Variants in ZFR2 observed in about 807,000 individuals in gnomAD.
The protein encoded by ZFR2 is zinc finger RNA-binding protein 2.
A neutral mutation model predicts 105.7 loss-of-function variants in ZFR2; 104 were observed. The ratio of observed to expected loss-of-function variants is 0.98; its 90% CI spans 0.84 to 1.16. The LOEUF is 1.16. ZFR2 is among the 50% of genes most tolerant of loss of function. The pLI is 0.00. For missense variants in ZFR2, 1,425 were observed against 1,355.5 expected, an observed-to-expected ratio of 1.05 and a Z score of -0.80; for synonymous variants, 634 against 597.7, an observed-to-expected ratio of 1.06 and a Z score of -0.89.
At chr19:3,855,529 C>A in intron 1 of ZFR2, 6 of 1,092,592 alleles carry the variant, frequency 5.5e-6, no homozygotes, top group Non-Finnish European at 7.0e-6. Flanking sequence ...CGGGGAATAA[C>A]CAGACCAAAG....
chr19:3,858,741 C>T lies in ZFR2; in HGVS notation c.53+10224G>A, dbSNP rs2005074. Among the ~76,000 whole-genome samples the T allele has an allele frequency of 0.16, 24,941 of 152,204 alleles. 2,294 individuals are homozygous for T. The highest frequency in any genetic ancestry group is 0.28 in the East Asian group (1,461 of 5,178). On this transcript the variant is annotated intron_variant, in intron 1 of 18. Transcript: ENST00000262961. The surrounding 1 kb of genome is among the most constrained non-coding windows in gnomAD (Gnocchi z 4.3). ...GCTGAGGCAGGAGAATCACTTGAAC[C>T]TGGGAGGCAGAGGTTGCAGTGAGCT...
Position 3,819,041 on chromosome 19 carries a change from T to C in ZFR2, c.1931+4A>G. ...GGGCCCTGGGGAAGGGGATCTCCAA[T>C]GACCTGCGCTTGTCACCCTCTTCCT... On this transcript the variant is annotated splice_donor_region_variant and intron_variant, in intron 12 of 18. Coordinates refer to ENST00000262961, the MANE Select transcript of ZFR2 (RefSeq NM_015174.2). 1 of 1,611,684 alleles carries C rather than the reference T, an allele frequency of 6.2e-7. No homozygotes were observed. The highest frequency in any genetic ancestry group is 1.3e-5 in the African/African-American group (1 of 74,958).
Position 3,819,191 on chromosome 19 carries a change from G to T in ZFR2, c.1785C>A (p.Cys595Ter). The T allele has an allele frequency of 6.3e-7, 1 of 1,587,488 alleles. No individual in the cohort carries two copies. The highest frequency in any genetic ancestry group is 1.1e-5 in the South Asian group (1 of 89,932). The change falls in exon 12 of 19, where the codon TGC becomes TGA. Residue 595 changes from cysteine to a stop codon, truncating the protein, a stop_gained. Coordinates refer to ENST00000262961, the MANE Select transcript of ZFR2 (RefSeq NM_015174.2). LOFTEE classifies it high-confidence loss of function. ...PASSDDRHVM[C>*]KHATIYPTEQ... The stretch of plus-strand genomic sequence containing the variant: ...CCGTGGGGTAGATGGTGGCGTGCTT[G>T]CACATGACGTGCCGGTCGTCGCTGG...
chr19:3,842,929 T>G (rs566158834), intron 1 of ZFR2, among the ~76,000 whole-genome samples: 4 of 152,230 alleles, frequency 2.6e-5, no homozygotes, highest in Admixed American at 2.6e-4. Context: ...CTGGCCCATT[T>G]CAGAACATTT....
chr19:3,863,838 GC>G (rs1420737675), intron 1 of ZFR2, among the ~76,000 whole-genome samples: 1 of 152,102 alleles, frequency 6.6e-6, no homozygotes, highest in Non-Finnish European at 1.5e-5. Flanking sequence ...CGACCACTGG[GC>G]CCCCACGTCA....
Position 3,805,343 on chromosome 19 carries a change from C to G in ZFR2, c.*606G>C, listed in dbSNP as rs1020771248. ...GGGCTGGATGGTGTCATTTCTGTAA[C>G]AATTTAAGCACAAATGTTAAAAAAC... On this transcript the variant is annotated 3_prime_UTR_variant, in exon 19 of 19. Transcript: ENST00000262961. The G allele has an allele frequency of 2.6e-5, 4 of 152,128 alleles. No individual in the cohort carries two copies. Among genetic ancestry groups the G allele is most frequent in the Non-Finnish European group, 5.9e-5 (4 of 68,072 alleles). The allele number at this position is 152,128 out of a possible 1,614,324, so 9.4% of individuals were successfully genotyped here.
chr19:3,862,456 C>A (rs2038384437), intron 1 of ZFR2, among the ~76,000 whole-genome samples: 1 of 152,126 alleles, frequency 6.6e-6, no homozygotes, highest in South Asian at 2.1e-4. Flanking sequence ...TGCCACCACA[C>A]CCAGGTAATT....
intron 15 of ZFR2, 27 bp downstream of exon 15, chr19:3,811,245 C>A (rs1384561283): frequency 2.0e-6 from 3 of 1,535,776 alleles, no homozygotes; most frequent in East Asian, 4.9e-5. Context: ...CACCCCTCTC[C>A]CCCTGCTCCA....
chr19:3,817,095 C>A (rs1200898480), intron 12 of ZFR2, among the ~76,000 whole-genome samples: 1 of 152,204 alleles, frequency 6.6e-6, no homozygotes, highest in Non-Finnish European at 1.5e-5. Flanking sequence ...TGGCCAAACC[C>A]ACATTTTCCT....
At position 3,831,552 on chromosome 19, in the gene ZFR2, T is replaced by C; in HGVS notation, c.603A>G (p.Pro201=). Residue 201 remains proline (P), a synonymous_variant, in exon 5 of 19, where the codon CCA becomes CCG. Coordinates refer to ENST00000262961, the MANE Select transcript of ZFR2 (RefSeq NM_015174.2). ...YNPTCTAYTA[P]SYPNYDASVY... ...CCGACGCGTCATAGTTCGGGTAGCT[T>C]GGTGCTGAGCAGCAGAGAAAACAAT... is the stretch of plus-strand genomic sequence containing the variant. 6.4e-7 allele frequency: 1 copy of C among 1,564,174 alleles called. No individual in the cohort carries two copies. Among genetic ancestry groups the C allele is most frequent in the Non-Finnish European group, 8.7e-7 (1 of 1,154,758 alleles).
chr19:3,821,985 C>T, intron 9 of ZFR2, 96 bp downstream of exon 9: 1 of 1,471,616 alleles, frequency 6.8e-7, no homozygotes, highest in Non-Finnish European at 9.0e-7. Flanking sequence ...TTCGTCGGAT[C>T]ACACGCGCGG....
At chr19:3,837,400 T>C (rs1270410948) in intron 1 of ZFR2, among the ~76,000 whole-genome samples, 2 of 151,644 alleles carry the variant, frequency 1.3e-5, no homozygotes. Context: ...TGACACTCGA[T>C]GAACACCGTG....
chr19:3,821,882 G>A (rs1187848302), intron 9 of ZFR2, among the ~76,000 whole-genome samples, 199 bp downstream of exon 9: 1 of 152,076 alleles, frequency 6.6e-6, no homozygotes, highest in Admixed American at 6.5e-5. Flanking sequence ...GTGCTGGGAT[G>A]ATAGACGTGA....
intron 3 of ZFR2, among the ~76,000 whole-genome samples, chr19:3,832,223 C>T (rs1215256963): frequency 1.3e-5 from 2 of 152,132 alleles, no homozygotes; most frequent in East Asian, 3.9e-4. Context: ...CCTCACTTTC[C>T]TTCATTCATA....
chr19:3,855,871 G>A (rs113055449), intron 1 of ZFR2, among the ~76,000 whole-genome samples: 1 of 152,194 alleles, frequency 6.6e-6, no homozygotes, highest in African/African-American at 2.4e-5. Flanking sequence ...AGAGAATAAA[G>A]GGTGTGGAAC....
In ZFR2 at chr19:3,833,563, G is replaced by A. The variant is rs183349821; in HGVS notation, c.379+101C>T. On this transcript the variant is annotated intron_variant, in intron 3 of 18. Transcript: ENST00000262961. The stretch of plus-strand genomic sequence containing the variant: ...TGCACTCCAGCCTGGGCAACAGAGC[G>A]AGACTCTGTCTAAAAAAAAAAAAAA... The A allele has an allele frequency of 4.5e-3, 4,218 of 936,028 alleles. 41 individuals carry two copies. Among genetic ancestry groups the A allele is most frequent in the East Asian group, 0.032 (1,150 of 36,306 alleles). 58.0% of individuals were successfully genotyped at this position (936,028 alleles called of 1,614,324 possible).
rs768876279 is a variant in ZFR2 at position 3,827,514 on chromosome 19, G to A, written c.992C>T (p.Ala331Val). 3.9e-5 allele frequency: 60 copies of A among 1,556,970 alleles called. No homozygotes were observed. The highest frequency in any genetic ancestry group is 5.8e-5 in the Admixed American group (3 of 52,034). Residue 331 changes from alanine (A) to valine (V), a missense_variant, in exon 6 of 19, where the codon GCG (alanine) becomes GTG (valine). Coordinates refer to ENST00000262961, the MANE Select transcript of ZFR2 (RefSeq NM_015174.2). Reference sequence around the variant, plus strand: ...CCGGATGTGGGCCGCGTAGGCGTCCGCCCCGGTGCAGGACACGGCGCACAG... The same window carrying A: ...CCGGATGTGGGCCGCGTAGGCGTCCACCCCGGTGCAGGACACGGCGCACAG... ...CDLCAVSCTG[A>V]DAYAAHIRGS...
At chr19:3,861,850 C>T (rs961152167) in intron 1 of ZFR2, among the ~76,000 whole-genome samples, 2 of 152,102 alleles carry the variant, frequency 1.3e-5, no homozygotes, top group African/African-American at 4.8e-5. Context: ...TGCTTAAACT[C>T]GTGAGCCAGA....
Position 3,833,303 on chromosome 19 carries a change from A to G in ZFR2, c.379+361T>C, listed in dbSNP as rs112926514. The stretch of plus-strand genomic sequence containing the variant: ...AAAAGATGTAACTTTCAGGCCGGGC[A>G]TGGTGGCTCACGCCTGTAATCGCAG... On this transcript the variant is annotated intron_variant, in intron 3 of 18. Coordinates refer to ENST00000262961, the MANE Select transcript of ZFR2 (RefSeq NM_015174.2). Among the ~76,000 whole-genome samples the G allele has an allele frequency of 6.4e-3, 930 of 145,376 alleles. 9 individuals are homozygous for G. Among genetic ancestry groups the G allele is most frequent in the African/African-American group, 0.022 (860 of 39,414 alleles).
Sources: allele counts gnomAD v4.1 joint callset (sites outside exome capture counted in the v4.1 genomes callset), GRCh38; gene constraint gnomAD v4.1.1; non-coding constraint Gnocchi (gnomAD v3.1); transcripts MANE v1.5; gene names NCBI Gene and HGNC (gene_info 2026-07-23, HGNC 2026-07-21).